Variants in CAMTA1 observed in about 807,000 individuals in gnomAD.
The protein encoded by CAMTA1 is calmodulin-binding transcription activator 1.
A neutral mutation model predicts 170.9 loss-of-function variants in CAMTA1; 27 were observed. The ratio of observed to expected loss-of-function variants is 0.16; its 90% CI spans 0.12 to 0.22. The LOEUF (loss-of-function observed/expected upper bound fraction) is 0.22, where lower values mean the gene tolerates loss of function less well. Among genes scored for constraint, CAMTA1 ranks in the 10% least tolerant of loss-of-function variants. The probability of loss-of-function intolerance (pLI) is 1.00; values close to 1 mark genes in which losing one functional copy is unlikely to be tolerated. For missense variants in CAMTA1, 1,619 were observed against 2,217.2 expected, an observed-to-expected ratio of 0.73 and a Z score of 5.42; for synonymous variants, 833 against 891.5, an observed-to-expected ratio of 0.93 and a Z score of 1.17.
chr1:7,579,720 C>T (rs896649332), intron 6 of CAMTA1, among the ~76,000 whole-genome samples: 4 of 151,784 alleles, frequency 2.6e-5, no homozygotes, highest in South Asian at 2.1e-4. Context: ...CCACCATGCC[C>T]GGCTAATTTT....
In CAMTA1 at chr1:7,673,309, A is replaced by T. The variant is rs1331739933; in HGVS notation, c.2779+2272A>T. 6.6e-6 allele frequency among the ~76,000 whole-genome samples: 1 copy of T among 152,082 alleles called. No homozygotes were observed. The highest frequency in any genetic ancestry group is 1.5e-5 in the Non-Finnish European group (1 of 68,016). On this transcript the variant is annotated intron_variant, in intron 10 of 22. Transcript: ENST00000303635. The surrounding 1 kb of genome is among the most constrained non-coding windows in gnomAD (Gnocchi z 4.6). ...CCCTGTTGCTGGAGCTCAGTGCCTG[A>T]CCTCTCTGGGCCTCAGTTTCTACAG...
At chr1:7,134,237 AT>A (rs1277891997) in intron 4 of CAMTA1, among the ~76,000 whole-genome samples, 1 of 152,090 alleles carries the variant, frequency 6.6e-6, no homozygotes, top group Non-Finnish European at 1.5e-5. Context: ...ATTTCATTCT[AT>A]TTTATGGCTG....
At chr1:7,212,696 T>C (rs1462922945) in intron 4 of CAMTA1, among the ~76,000 whole-genome samples, 1 of 152,140 alleles carries the variant, frequency 6.6e-6, no homozygotes, top group Admixed American at 6.6e-5. Flanking sequence ...ACAATTAAGA[T>C]ACAGAACATG....
At chr1:7,613,803 T>C (rs1388174928) in intron 6 of CAMTA1, among the ~76,000 whole-genome samples, 1 of 109,446 alleles carries the variant, frequency 9.1e-6, no homozygotes, top group South Asian at 3.1e-4. Context: ...GAGCGATGGG[T>C]ATTGGGGCAA....
At chr1:7,101,837 G>A (rs138277961) in intron 4 of CAMTA1, among the ~76,000 whole-genome samples, 3 of 152,264 alleles carry the variant, frequency 2.0e-5, no homozygotes, top group East Asian at 3.9e-4. Flanking sequence ...ACACATGTAG[G>A]CACATACACA....
In CAMTA1 at chr1:6,929,652, C is replaced by T. The variant is rs544787792; in HGVS notation, c.234+104442C>T. ...TGCTGGGATTACAGGCGTGAGCCAC[C>T]GTGCCCGGCCTAATTTTTGTATTTT... On this transcript the variant is annotated intron_variant, in intron 3 of 22. Transcript: ENST00000303635. Among the ~76,000 whole-genome samples the T allele has an allele frequency of 2.2e-4, 33 of 151,638 alleles. 1 individual carries two copies. Among genetic ancestry groups the T allele is most frequent in the African/African-American group, 2.9e-4 (12 of 41,308 alleles).
chr1:7,638,811 A>G (rs1004245375), intron 6 of CAMTA1, among the ~76,000 whole-genome samples: 10 of 152,150 alleles, frequency 6.6e-5, no homozygotes, highest in Non-Finnish European at 1.0e-4. Context: ...TGGGGGGACC[A>G]TGAGAAAGCC....
intron 3 of CAMTA1, among the ~76,000 whole-genome samples, chr1:6,848,427 G>A (rs924360516): frequency 2.0e-5 from 3 of 152,216 alleles, no homozygotes; most frequent in South Asian, 2.1e-4. Flanking sequence ...GGGATTACAG[G>A]CATAAGCTAC....
chr1:7,248,085 C>T lies in CAMTA1; in HGVS notation c.303-1406C>T, dbSNP rs146646674. On this transcript the variant is annotated intron_variant, in intron 4 of 22. Transcript: ENST00000303635. The surrounding 1 kb of genome is among the most constrained non-coding windows in gnomAD (Gnocchi z 4.0). The stretch of plus-strand genomic sequence containing the variant: ...AATTGCTGTTTAGTCATCATATTGC[C>T]GCTGAATGACATAGTGGGGCTGGGT... Among the ~76,000 whole-genome samples the T allele has an allele frequency of 1.2e-3, 184 of 152,248 alleles. No individual in the cohort carries two copies. The highest frequency in any genetic ancestry group is 8.5e-3 in the East Asian group (44 of 5,174).
intron 3 of CAMTA1, among the ~76,000 whole-genome samples, chr1:6,889,317 AAGC>A (rs1420723145): frequency 6.6e-6 from 1 of 152,250 alleles, no homozygotes; most frequent in Admixed American, 6.5e-5. Flanking sequence ...TAAATGTAGA[AAGC>A]AGTTAATGAG....
chr1:7,208,252 G>C (rs946098121), intron 4 of CAMTA1, among the ~76,000 whole-genome samples: 3 of 152,140 alleles, frequency 2.0e-5, no homozygotes, highest in African/African-American at 7.2e-5. Flanking sequence ...CATGAAAGTT[G>C]GTTTGTTCTT....
chr1:7,654,795 CTATA>C (rs2095871488), intron 7 of CAMTA1, among the ~76,000 whole-genome samples: 1 of 64,780 alleles, frequency 1.5e-5, no homozygotes, highest in South Asian at 5.7e-4. Context: ...ACCCACACAC[CTATA>C]CACACACCCA....
intron 3 of CAMTA1, among the ~76,000 whole-genome samples, chr1:6,857,203 A>G (rs1662765000): frequency 2.0e-5 from 3 of 152,284 alleles, no homozygotes; most frequent in Admixed American, 2.0e-4. Context: ...GCCAAGGCCC[A>G]GCAGTGGAGC....
intron 5 of CAMTA1, among the ~76,000 whole-genome samples, chr1:7,256,528 C>A (rs1490885762): frequency 3.9e-5 from 6 of 152,168 alleles, no homozygotes; most frequent in African/African-American, 1.4e-4. Context: ...CCACTGCACT[C>A]CAGCCTGGGC....
In CAMTA1 at chr1:7,144,236, A is replaced by AGTGTGTGTGT. The variant is rs57358691; in HGVS notation, c.302+52872_302+52881dup. Among the ~76,000 whole-genome samples, 1,131 of 150,492 alleles carry AGTGTGTGTGT rather than the reference A, an allele frequency of 7.5e-3. 8 individuals carry two copies. Among genetic ancestry groups the AGTGTGTGTGT allele is most frequent in the African/African-American group, 0.026 (1,062 of 40,982 alleles). Reference sequence around the variant, plus strand: ...CTATGTCCTCAGATGGCCTTTTCTAAGTGTGTGTGTGTGTGTATGTGTGTG... The same window carrying AGTGTGTGTGT: ...CTATGTCCTCAGATGGCCTTTTCTAAGTGTGTGTGTGTGTGTGTGTGTGTGTATGTGTGTG... On this transcript the variant is annotated intron_variant, in intron 4 of 22. Coordinates refer to ENST00000303635, the MANE Select transcript of CAMTA1 (RefSeq NM_015215.4). The surrounding 1 kb of genome is among the most constrained non-coding windows in gnomAD (Gnocchi z 4.0).
chr1:7,050,606 A>G lies in CAMTA1; in HGVS notation c.235-40698A>G, dbSNP rs1381751724. On this transcript the variant is annotated intron_variant, in intron 3 of 22. Coordinates refer to ENST00000303635, the MANE Select transcript of CAMTA1 (RefSeq NM_015215.4). The surrounding 1 kb of genome is among the most constrained non-coding windows in gnomAD (Gnocchi z 4.8). ...TTGAGATATCTGTCTCGGCAGTACC[A>G]GGCTATTTGAACATGTCTTTGTAGG... is the stretch of plus-strand genomic sequence containing the variant. Among the ~76,000 whole-genome samples, 1 of 152,076 alleles carries G rather than the reference A, an allele frequency of 6.6e-6. No individual in the cohort carries two copies. Among genetic ancestry groups the G allele is most frequent in the African/African-American group, 2.4e-5 (1 of 41,402 alleles).
At chr1:7,003,432 G>A (rs2100660735) in intron 3 of CAMTA1, among the ~76,000 whole-genome samples, 1 of 152,358 alleles carries the variant, frequency 6.6e-6, no homozygotes, top group Admixed American at 6.5e-5. Flanking sequence ...GTGGCAGCAG[G>A]GGTGCCAGGC....
intron 11 of CAMTA1, among the ~76,000 whole-genome samples, chr1:7,728,543 G>T (rs2096708547): frequency 6.6e-6 from 1 of 152,198 alleles, no homozygotes; most frequent in Non-Finnish European, 1.5e-5. Flanking sequence ...TTGTAGACTT[G>T]CAGAAGAAAT....
chr1:7,726,422 G>A (rs927437716), intron 11 of CAMTA1, among the ~76,000 whole-genome samples: 4 of 152,024 alleles, frequency 2.6e-5, no homozygotes, highest in Non-Finnish European at 4.4e-5. Flanking sequence ...GTTCCCACTT[G>A]AAGGTAGGGT....
Sources: allele counts gnomAD v4.1 joint callset (sites outside exome capture counted in the v4.1 genomes callset), GRCh38; gene constraint gnomAD v4.1.1; non-coding constraint Gnocchi (gnomAD v3.1); transcripts MANE v1.5; gene names NCBI Gene and HGNC (gene_info 2026-07-23, HGNC 2026-07-21).